TRAF3IP2: variants seen among roughly 807,000 people sequenced by gnomAD.
TRAF3IP2 encodes E3 ubiquitin ligase TRAF3IP2.
Under a neutral mutation model 57.9 loss-of-function variants are expected in TRAF3IP2, and 35 were observed. The ratio of observed to expected loss-of-function variants is 0.60; its 90% CI spans 0.46 to 0.80. TRAF3IP2 has a LOEUF of 0.80. Among genes scored for constraint, TRAF3IP2 ranks in the 30% least tolerant of loss-of-function variants. The pLI, the probability that TRAF3IP2 is intolerant of heterozygous loss-of-function variation, is 0.00. For synonymous variants in TRAF3IP2, 251 were observed against 268.9 expected (o/e 0.93, Z 0.65); for missense variants, 556 against 706.4 (o/e 0.79, Z 2.41).
Position 111,566,568 on chromosome 6 carries a change from TG to T in TRAF3IP2, c.1360-9del. 1 of 1,611,822 alleles carries T rather than the reference TG, an allele frequency of 6.2e-7. No homozygotes were observed. The highest frequency in any genetic ancestry group is 8.5e-7 in the Non-Finnish European group (1 of 1,177,872). The stretch of plus-strand genomic sequence containing the variant: ...GATTATCATCACGGTCTTCTGTTAA[TG>T]AGAGGGAGAAAGGCATGTTTATGGA... On this transcript the variant is annotated splice_polypyrimidine_tract_variant and intron_variant, in intron 6 of 8. Coordinates refer to ENST00000368761, the MANE Select transcript of TRAF3IP2 (RefSeq NM_147686.4).
chr6:111,599,518 C>T (rs893844497), intron 1 of TRAF3IP2, among the ~76,000 whole-genome samples: 5 of 152,082 alleles, frequency 3.3e-5, no homozygotes, highest in African/African-American at 1.2e-4. Context: ...TTTTCCCATG[C>T]TTCACCCTCT....
At chr6:111,564,654 A>T (rs926220409) in intron 7 of TRAF3IP2, among the ~76,000 whole-genome samples, 1 of 151,974 alleles carries the variant, frequency 6.6e-6, no homozygotes, top group Non-Finnish European at 1.5e-5. Flanking sequence ...TCTGTGTCTG[A>T]CCTCTTCGAC....
At chr6:111,571,700 G>A (rs957543586) in intron 5 of TRAF3IP2, among the ~76,000 whole-genome samples, 1 of 152,064 alleles carries the variant, frequency 6.6e-6, no homozygotes, top group Non-Finnish European at 1.5e-5. Flanking sequence ...GCCAAGGTTG[G>A]CAGATCATGA....
chr6:111,581,478 A>T (rs1163588319), intron 2 of TRAF3IP2, among the ~76,000 whole-genome samples: 2 of 152,168 alleles, frequency 1.3e-5, no homozygotes, highest in African/African-American at 4.8e-5. Flanking sequence ...AAAAATCCTC[A>T]TTGATCTTAA....
At chr6:111,567,179 T>C (rs1795677399) in intron 6 of TRAF3IP2, 1 of 1,003,564 alleles carries the variant, frequency 1.0e-6, no homozygotes, top group Admixed American at 5.5e-5. Flanking sequence ...ATAGATTCTG[T>C]CAGTGGAGAA....
chr6:111,563,801 G>A (rs1795533521), intron 7 of TRAF3IP2, among the ~76,000 whole-genome samples: 2 of 152,168 alleles, frequency 1.3e-5, no homozygotes, highest in African/African-American at 4.8e-5. Flanking sequence ...GATGTCAATT[G>A]CGAAGAGCTC....
At chr6:111,578,155 A>C (rs1319534107) in intron 3 of TRAF3IP2, among the ~76,000 whole-genome samples, 4 of 152,240 alleles carry the variant, frequency 2.6e-5, no homozygotes. Context: ...AAATTGTTTG[A>C]AAATAAAAGT....
At position 111,555,945 on chromosome 6, in the gene TRAF3IP2, T is replaced by C. The variant is rs1463649138; in HGVS notation, c.*3460A>G. ...GGTGAAACCCCGTCTCTACTAAAAATACAAAAAATTAGCCGGGCATGGTGG... is the reference window on the plus strand; with the variant it reads ...GGTGAAACCCCGTCTCTACTAAAAACACAAAAAATTAGCCGGGCATGGTGG... On this transcript the variant is annotated 3_prime_UTR_variant, in exon 9 of 9. Coordinates refer to ENST00000368761, the MANE Select transcript of TRAF3IP2 (RefSeq NM_147686.4). 6.6e-6 allele frequency among the ~76,000 whole-genome samples: 1 copy of C among 151,940 alleles called. No individual in the cohort carries two copies. The highest frequency in any genetic ancestry group is 2.4e-5 in the African/African-American group (1 of 41,334).
chr6:111,604,908 T>C (rs915292352), intron 1 of TRAF3IP2, among the ~76,000 whole-genome samples: 2 of 152,184 alleles, frequency 1.3e-5, no homozygotes, highest in Non-Finnish European at 2.9e-5. Flanking sequence ...CTTTGTTTTA[T>C]AAGGGAATTT....
chr6:111,575,907 G>T, intron 3 of TRAF3IP2, 86 bp from the exon 4 acceptor site: 1 of 1,261,012 alleles, frequency 7.9e-7, no homozygotes, highest in Non-Finnish European at 1.1e-6. Context: ...ACTATGGGAA[G>T]ATCCCAGTGG....
Position 111,580,397 on chromosome 6 carries a change from T to G in TRAF3IP2, c.830-8A>C, listed in dbSNP as rs1583230370. ...GAGGGTAGTCATGGCCATCTGTAGG[T>G]GAAGACAACAAAGACAACAGGGAAC... On this transcript the variant is annotated splice_region_variant and splice_polypyrimidine_tract_variant and intron_variant, in intron 2 of 8. Transcript: ENST00000368761. The G allele has an allele frequency of 6.5e-7, 1 of 1,535,606 alleles. No individual in the cohort carries two copies. Among genetic ancestry groups the G allele is most frequent in the Non-Finnish European group, 8.7e-7 (1 of 1,146,874 alleles).
At chr6:111,590,388 T>C (rs952414790) in intron 2 of TRAF3IP2, among the ~76,000 whole-genome samples, 2 of 152,212 alleles carry the variant, frequency 1.3e-5, no homozygotes, top group African/African-American at 4.8e-5. Context: ...AAGGAGAACG[T>C]GATCTGGGGA....
intron 1 of TRAF3IP2, chr6:111,601,861 A>G (rs1210585652): frequency 6.6e-6 from 1 of 152,224 alleles, no homozygotes; most frequent in Non-Finnish European, 1.5e-5. Context: ...ATGGATTTAA[A>G]AAAAAATCTT....
intron 1 of TRAF3IP2, among the ~76,000 whole-genome samples, chr6:111,597,113 G>C (rs988147898): frequency 6.6e-6 from 1 of 152,174 alleles, no homozygotes; most frequent in Non-Finnish European, 1.5e-5. Context: ...TGGTGGGCCT[G>C]GTCCTCAGAG....
At chr6:111,579,772 A>T (rs972720123) in intron 3 of TRAF3IP2, among the ~76,000 whole-genome samples, 7 of 152,202 alleles carry the variant, frequency 4.6e-5, no homozygotes, top group Admixed American at 3.3e-4. Context: ...TTTGATGGAA[A>T]ATTAATTGAA....
chr6:111,585,675 G>A (rs980156398), intron 2 of TRAF3IP2, among the ~76,000 whole-genome samples: 1 of 152,170 alleles, frequency 6.6e-6, no homozygotes, highest in East Asian at 1.9e-4. Context: ...GCTTCCCTGC[G>A]GACTTGTCCC....
chr6:111,577,961 C>T (rs2128376738), intron 3 of TRAF3IP2, among the ~76,000 whole-genome samples: 1 of 152,256 alleles, frequency 6.6e-6, no homozygotes, highest in Non-Finnish European at 1.5e-5. Flanking sequence ...AATCCACCCA[C>T]CTCTGCCTCC....
Position 111,591,320 on chromosome 6 carries a change from G to T in TRAF3IP2, c.767C>A (p.Ser256Tyr). 6.6e-7 allele frequency: 1 copy of T among 1,517,432 alleles called. No individual in the cohort carries two copies. The allele number at this position is 1,517,432 out of a possible 1,614,324, so 94.0% of individuals were successfully genotyped here. ...ATGATAGTTCCATGGAGCATGTGGG[G>T]AAAGATTGGGAGGCAGCATCTGTGC... ...ACAQMLPPNL[S>Y]PHAPWNYHYH... Residue 256 changes from serine to tyrosine, a missense_variant, in exon 2 of 9, where the codon TCC becomes TAC. Coordinates refer to ENST00000368761, the MANE Select transcript of TRAF3IP2 (RefSeq NM_147686.4). This position sits in a 1 kb window ranked among gnomAD's most constrained non-coding sequence, Gnocchi z 4.9.
intron 1 of TRAF3IP2, among the ~76,000 whole-genome samples, chr6:111,599,348 T>C (rs1796794483): frequency 6.6e-6 from 1 of 152,158 alleles, no homozygotes; most frequent in Non-Finnish European, 1.5e-5. Flanking sequence ...CCTTTTTGCC[T>C]CCTCGGGCCT....
Sources: allele counts gnomAD v4.1 joint callset (sites outside exome capture counted in the v4.1 genomes callset), GRCh38; gene constraint gnomAD v4.1.1; non-coding constraint Gnocchi (gnomAD v3.1); transcripts MANE v1.5; gene names NCBI Gene and HGNC (gene_info 2026-07-23, HGNC 2026-07-21).